Variants in PCDHA8 observed in about 807,000 individuals in gnomAD.
PCDHA8 encodes protocadherin alpha-8.
In PCDHA8, 53 loss-of-function variants were observed where a neutral mutation model predicts 61.8. The observed-to-expected ratio is 0.86, with a 90% CI of 0.69 to 1.08. PCDHA8 has a LOEUF of 1.08. Among genes scored for constraint, PCDHA8 ranks in the 50% least tolerant of loss-of-function variants. The pLI, the probability that PCDHA8 is intolerant of heterozygous loss-of-function variation, is 0.00. For missense variants in PCDHA8, 1,293 were observed against 1,245.0 expected, an observed-to-expected ratio of 1.04 and a Z score of -0.58; for synonymous variants, 618 against 556.6, an observed-to-expected ratio of 1.11 and a Z score of -1.55.
intron 1 of PCDHA8, chr5:140,968,828 C>T (rs1404451202): frequency 6.2e-7 from 1 of 1,614,198 alleles, no homozygotes; most frequent in South Asian, 1.1e-5. Context: ...TTCCAAAATC[C>T]TCCCTGACAC....
intron 1 of PCDHA8, among the ~76,000 whole-genome samples, chr5:140,935,656 CTTTTA>C (rs1300447387): frequency 6.6e-6 from 1 of 151,868 alleles, no homozygotes; most frequent in African/African-American, 2.4e-5. Context: ...TTTTAATTTT[CTTTTA>C]TAATTATGTG....
rs997332881 is a variant in PCDHA8 at position 140,887,348 on chromosome 5, G to A, written c.2394+43633G>A. On this transcript the variant is annotated intron_variant, in intron 1 of 3. Transcript: ENST00000531613. ...CCTGACCTCGTGATCCACCTGGCTCGGCCTCCCAAAGTGCTGGGATTACAG... is the reference window on the plus strand; with the variant it reads ...CCTGACCTCGTGATCCACCTGGCTCAGCCTCCCAAAGTGCTGGGATTACAG... Among the ~76,000 whole-genome samples, 8 of 151,974 alleles carry A rather than the reference G, an allele frequency of 5.3e-5. 1 individual carries two copies. The highest frequency in any genetic ancestry group is 8.8e-5 in the Non-Finnish European group (6 of 67,980).
chr5:140,870,317 C>G lies in PCDHA8; in HGVS notation c.2394+26602C>G, dbSNP rs782216904. On this transcript the variant is annotated intron_variant, in intron 1 of 3. Coordinates refer to ENST00000531613, the MANE Select transcript of PCDHA8 (RefSeq NM_018911.3). ...GTGTCCACCTTCAAGAATTACTACT[C>G]GTTGGTGCTGGACAGCGCCCTGGAC... 122 of 1,614,080 alleles carry G rather than the reference C, an allele frequency of 7.6e-5. No individual in the cohort carries two copies. Among genetic ancestry groups the G allele is most frequent in the Non-Finnish European group, 1.0e-4 (120 of 1,180,036 alleles).
At chr5:140,896,346 G>A (rs1466880160) in intron 1 of PCDHA8, among the ~76,000 whole-genome samples, 17 of 151,992 alleles carry the variant, frequency 1.1e-4, no homozygotes, top group African/African-American at 3.4e-4. Flanking sequence ...TTATATTCCC[G>A]CCAGCAGTGT....
chr5:140,847,566 G>A (rs1309857788), intron 1 of PCDHA8: 2 of 149,184 alleles, frequency 1.3e-5, no homozygotes, highest in African/African-American at 4.9e-5. Context: ...ATTGCCCCGA[G>A]TACTAAGGAT....
At chr5:140,872,550 C>T (rs1319043831) in intron 1 of PCDHA8, among the ~76,000 whole-genome samples, 1 of 152,046 alleles carries the variant, frequency 6.6e-6, no homozygotes, top group African/African-American at 2.4e-5. Context: ...TCCCCTGAAC[C>T]CAGGGGTTCA....
rs150382315 is a variant in PCDHA8, at chr5:140,929,255, G to A, written c.2395-49694G>A. 5.2e-5 allele frequency: 84 copies of A among 1,613,256 alleles called. No homozygotes were observed. In the South Asian group the frequency reaches 8.9e-4, roughly 17 times the overall value. On this transcript the variant is annotated intron_variant, in intron 1 of 3. Coordinates refer to ENST00000531613, the MANE Select transcript of PCDHA8 (RefSeq NM_018911.3). ...CTGCGAAATCTTGCCACTGGGGTAG[G>A]ACTGAATTTGCCAATATCCTGTATT...
At chr5:140,896,398 A>T (rs1322743669) in intron 1 of PCDHA8, among the ~76,000 whole-genome samples, 3 of 151,946 alleles carry the variant, frequency 2.0e-5, no homozygotes, top group African/African-American at 7.3e-5. Context: ...AGCATCTGTT[A>T]TTTTTGACTT....
rs2150495171 is a variant in PCDHA8, at chr5:140,850,706, G to C, written c.2394+6991G>C. 11 of 1,598,012 alleles carry C rather than the reference G, an allele frequency of 6.9e-6. 1 individual carries two copies. The highest frequency in any genetic ancestry group is 1.7e-5 in the Admixed American group (1 of 59,234). The stretch of plus-strand genomic sequence containing the variant: ...AGGGCGAGTGCGCGCCTGGCAAGCC[G>C]ACGCTGGTGTGTTCTAGCGCGGTGG... On this transcript the variant is annotated intron_variant, in intron 1 of 3. Transcript: ENST00000531613.
rs1387090858 is a variant in PCDHA8, at chr5:140,923,184, T to C, written c.2395-55765T>C. Reference sequence around the variant, plus strand: ...AGATAAATTTTTGTTCAGATGCATCTACTGCAGCAATTTGGGAGGCTAAGG... The same window carrying C: ...AGATAAATTTTTGTTCAGATGCATCCACTGCAGCAATTTGGGAGGCTAAGG... On this transcript the variant is annotated intron_variant, in intron 1 of 3. Transcript: ENST00000531613. Among the ~76,000 whole-genome samples the C allele has an allele frequency of 3.9e-5, 6 of 152,146 alleles. No homozygotes were observed. In the East Asian group the frequency reaches 1.2e-3, roughly 29 times the overall value.
At chr5:140,906,924 T>G (rs1244538728) in intron 1 of PCDHA8, among the ~76,000 whole-genome samples, 1 of 152,226 alleles carries the variant, frequency 6.6e-6, no homozygotes, top group African/African-American at 2.4e-5. Flanking sequence ...GCCCAAAAAG[T>G]GTCCCGGTGT....
chr5:140,882,583 C>A, intron 1 of PCDHA8: 1 of 1,614,232 alleles, frequency 6.2e-7, no homozygotes, highest in Non-Finnish European at 8.5e-7. Flanking sequence ...GCAGCATCCA[C>A]CTGGAGGTGA....
intron 1 of PCDHA8, chr5:140,863,768 G>C (rs2048166638): frequency 4.1e-6 from 1 of 242,260 alleles, no homozygotes; most frequent in African/African-American, 2.2e-5. Flanking sequence ...GGAAGCCGAG[G>C]CGGGCGGATC....
rs2096146085 is a variant in PCDHA8 at position 140,967,476 on chromosome 5, G to T, written c.2395-11473G>T. ...GCCGTGGATGGGGGCATCCCAGCCC[G>T]CTCGGGTACGGCACAGATCTCTGTG... On this transcript the variant is annotated intron_variant, in intron 1 of 3. Transcript: ENST00000531613. The T allele has an allele frequency of 6.2e-7, 1 of 1,613,324 alleles. No individual in the cohort carries two copies. The highest frequency in any genetic ancestry group is 1.3e-5 in the African/African-American group (1 of 75,056).
At chr5:140,995,903 G>A (rs1554254885) in intron 3 of PCDHA8, among the ~76,000 whole-genome samples, 2 of 152,206 alleles carry the variant, frequency 1.3e-5, no homozygotes, top group East Asian at 1.9e-4. Flanking sequence ...ATGTATAAAA[G>A]AGGAGAGACC....
chr5:140,877,341 C>G, intron 1 of PCDHA8: 3 of 1,614,010 alleles, frequency 1.9e-6, no homozygotes, highest in South Asian at 2.2e-5. Flanking sequence ...TCCCGTTCCA[C>G]GTGGGGCTGT....
At chr5:140,994,753 G>T (rs143791883) in intron 3 of PCDHA8, among the ~76,000 whole-genome samples, 6 of 152,252 alleles carry the variant, frequency 3.9e-5, no homozygotes, top group Non-Finnish European at 7.3e-5. Context: ...AGTAGGATGT[G>T]GAGAGGAAGA....
chr5:140,986,373 G>A (rs376031401), intron 3 of PCDHA8, among the ~76,000 whole-genome samples: 26 of 152,280 alleles, frequency 1.7e-4, no homozygotes, highest in South Asian at 4.1e-4. Context: ...TGCGTTTTGG[G>A]GGGAGGGACA....
chr5:140,926,526 C>G (rs2083305621), intron 1 of PCDHA8: 1 of 209,510 alleles, frequency 4.8e-6, no homozygotes, highest in Non-Finnish European at 9.3e-6. Flanking sequence ...GCCCTGCGCC[C>G]GCAGCCAGCG....
Sources: gnomAD v4.1 joint callset for allele counts (sites outside exome capture counted in the v4.1 genomes callset) on GRCh38, gnomAD v4.1.1 for gene constraint, MANE v1.5 for transcripts, NCBI Gene and HGNC (gene_info 2026-07-23, HGNC 2026-07-21) for gene names.